Variants in PLCG2 observed in about 807,000 individuals in gnomAD.
PLCG2 encodes the protein 1-phosphatidylinositol 4,5-bisphosphate phosphodiesterase gamma-2.
PLCG2 carries 69 observed loss-of-function variants against 175.6 expected under a neutral mutation model. That is an observed-to-expected ratio of 0.39 (90% CI 0.32 to 0.48). The LOEUF is 0.48. Ranked by LOEUF, PLCG2 falls within the 20% of genes least tolerant of loss-of-function variation. The pLI is 0.91. For synonymous variants in PLCG2, 827 were observed against 624.0 expected, an observed-to-expected ratio of 1.33 and a Z score of -4.85; for missense variants, 1,798 against 1,650.9, an observed-to-expected ratio of 1.09 and a Z score of -1.54.
intron 2 of PLCG2, among the ~76,000 whole-genome samples, chr16:81,800,370 C>T (rs76248538): frequency 6.6e-6 from 1 of 152,130 alleles, no homozygotes. Context: ...CCATCCTTAC[C>T]CTGCTCCCCA....
chr16:81,781,997 G>A lies in PLCG2; in HGVS notation c.-48+2573G>A, dbSNP rs559602870. ...CGCCTTTCTCCTGCCTCAGCCTCAC[G>A]AGTAGCTGGGATTACAGGCATGTGC... On this transcript the variant is annotated intron_variant, in intron 1 of 32. Transcript: ENST00000564138. 5.9e-3 allele frequency among the ~76,000 whole-genome samples: 896 copies of A among 151,956 alleles called. 8 individuals are homozygous for A. Among genetic ancestry groups the A allele is most frequent in the Non-Finnish European group, 7.6e-3 (518 of 67,996 alleles).
rs1398127910 is a variant in PLCG2, at chr16:81,962,640, AACAGCTGTATC to A, written c.*4646_*4656del. On this transcript the variant is annotated 3_prime_UTR_variant, in exon 33 of 33. Transcript: ENST00000564138. ...TTGGCTGTTGTTAATGTGAAAATTA[AACAGCTGTATC>A]ACATTTTGAAAAATAAAAGTTTCAT... The A allele has an allele frequency of 4.5e-6, 1 of 222,210 alleles. No homozygotes were observed. The highest frequency in any genetic ancestry group is 2.2e-5 in the African/African-American group (1 of 44,764). 13.8% of individuals were successfully genotyped at this position (222,210 alleles called of 1,614,324 possible).
rs113395397 is a variant in PLCG2, at chr16:81,908,685, C to T, written c.1733+94C>T. On this transcript the variant is annotated intron_variant, in intron 17 of 32. Transcript: ENST00000564138. The stretch of plus-strand genomic sequence containing the variant: ...GGTTCTAGCTCAGGCAGGAATTGGG[C>T]AGGCTGGGACCTGAATCCCAGGCTT... 1,216 of 1,107,148 alleles carry T rather than the reference C, an allele frequency of 1.1e-3. 14 individuals are homozygous for T. The African/African-American group carries it at 0.017, about 15-fold the overall frequency. 68.6% of individuals were successfully genotyped at this position (1,107,148 alleles called of 1,614,324 possible). A position where few individuals can be genotyped will look rare whatever the true frequency, so the allele number is the denominator to read the frequency against.
chr16:81,806,591 C>T (rs1244342922), intron 2 of PLCG2, among the ~76,000 whole-genome samples: 1 of 152,056 alleles, frequency 6.6e-6, no homozygotes, highest in Non-Finnish European at 1.5e-5. Flanking sequence ...TGCACCATTA[C>T]ATGATCATAG....
chr16:81,892,273 C>A (rs1005147916), intron 11 of PLCG2, among the ~76,000 whole-genome samples: 2 of 152,102 alleles, frequency 1.3e-5, no homozygotes, highest in Non-Finnish European at 2.9e-5. Context: ...GTCGGGGAGA[C>A]CCTGACGACT....
intron 24 of PLCG2, 132 bp downstream of exon 24, chr16:81,928,756 C>T: frequency 1.5e-6 from 1 of 688,380 alleles, no homozygotes; most frequent in Non-Finnish European, 2.7e-6. Context: ...CTGGCTGAAG[C>T]TGAGTATTTA....
At chr16:81,803,517 T>C (rs980264960) in intron 2 of PLCG2, among the ~76,000 whole-genome samples, 3 of 131,864 alleles carry the variant, frequency 2.3e-5, no homozygotes, top group Non-Finnish European at 5.3e-5. Context: ...TTTTCTTTGT[T>C]CTTTCTTTCC....
At position 81,872,085 on chromosome 16, in the gene PLCG2, T is replaced by C. The variant is rs371756459; in HGVS notation, c.648+1150T>C. On this transcript the variant is annotated intron_variant, in intron 7 of 32. Transcript: ENST00000564138. Reference sequence around the variant, plus strand: ...GGTTGACGCCTGTAACCCCAGCACTTTGGGAGCCCAGGCGGGTGGATCATT... The same window carrying C: ...GGTTGACGCCTGTAACCCCAGCACTCTGGGAGCCCAGGCGGGTGGATCATT... Among the ~76,000 whole-genome samples, 7 of 152,094 alleles carry C rather than the reference T, an allele frequency of 4.6e-5. No homozygotes were observed. In the East Asian group the frequency reaches 9.6e-4, roughly 21 times the overall value.
At chr16:81,876,470 C>A (rs1271944818) in intron 7 of PLCG2, among the ~76,000 whole-genome samples, 1 of 152,214 alleles carries the variant, frequency 6.6e-6, no homozygotes, top group African/African-American at 2.4e-5. Context: ...TCCTTTCCCT[C>A]CCTTTCTTAG....
chr16:81,880,258 G>A lies in PLCG2; in HGVS notation c.649-652G>A, dbSNP rs117623053. ...CATCTCTAAAGAAACCTGGCAGTGA[G>A]GATATAGAAAAAGGTATGTGTACCC... On this transcript the variant is annotated intron_variant, in intron 7 of 32. Coordinates refer to ENST00000564138, the MANE Select transcript of PLCG2 (RefSeq NM_002661.5). Among the ~76,000 whole-genome samples the A allele has an allele frequency of 2.8e-3, 431 of 152,288 alleles. 9 individuals carry two copies. The East Asian group carries it at 0.071, about 25-fold the overall frequency.
intron 2 of PLCG2, among the ~76,000 whole-genome samples, chr16:81,792,324 A>G (rs778072298): frequency 6.6e-6 from 1 of 151,994 alleles, no homozygotes; most frequent in Non-Finnish European, 1.5e-5. Flanking sequence ...TCTACTAAAA[A>G]TATTAAAATT....
intron 2 of PLCG2, among the ~76,000 whole-genome samples, chr16:81,803,233 C>T (rs779351936): frequency 2.8e-4 from 43 of 151,836 alleles, no homozygotes; most frequent in Admixed American, 7.9e-4. Flanking sequence ...ATTCTCCTGC[C>T]TCAGCCTCCT....
intron 22 of PLCG2, among the ~76,000 whole-genome samples, chr16:81,924,559 C>T (rs1485181289): frequency 6.6e-6 from 1 of 152,224 alleles, no homozygotes; most frequent in African/African-American, 2.4e-5. Flanking sequence ...ATTTGAACCG[C>T]CAGGCCTTTT....
chr16:81,919,454 C>T (rs1909972893), intron 19 of PLCG2, 30 bp from the exon 20 acceptor site: 1 of 1,585,108 alleles, frequency 6.3e-7, no homozygotes, highest in Non-Finnish European at 8.6e-7. Flanking sequence ...AGGATCTTGG[C>T]ATGTCAACCC....
chr16:81,752,747 C>T (rs768013059), intron 1 of PLCG2, among the ~76,000 whole-genome samples: 1 of 152,232 alleles, frequency 6.6e-6, no homozygotes, highest in Non-Finnish European at 1.5e-5. Flanking sequence ...ACGGCCAGGG[C>T]CCTCAGGGTG....
intron 1 of PLCG2, among the ~76,000 whole-genome samples, chr16:81,784,775 G>A (rs1329252667): frequency 1.3e-5 from 2 of 152,116 alleles, no homozygotes; most frequent in African/African-American, 4.8e-5. Flanking sequence ...CTGGAAATGA[G>A]CCCAGAGGAT....
intron 2 of PLCG2, among the ~76,000 whole-genome samples, chr16:81,771,410 C>G (rs541505741): frequency 2.0e-5 from 3 of 152,166 alleles, no homozygotes; most frequent in Non-Finnish European, 4.4e-5. Flanking sequence ...GAAACACAGC[C>G]TTGTTTTAGA....
intron 2 of PLCG2, among the ~76,000 whole-genome samples, chr16:81,826,329 A>T (rs1349426597): frequency 6.6e-6 from 1 of 152,168 alleles, no homozygotes; most frequent in Non-Finnish European, 1.5e-5. Context: ...CGAGAAAAGC[A>T]TCAAGTATGA....
chr16:81,943,028 T>G (rs1210229707), intron 30 of PLCG2, among the ~76,000 whole-genome samples: 1 of 152,128 alleles, frequency 6.6e-6, no homozygotes, highest in Non-Finnish European at 1.5e-5. Context: ...GCAGAGCTCA[T>G]GTCTCCGATT....
Sources: gnomAD v4.1 joint callset for allele counts (sites outside exome capture counted in the v4.1 genomes callset) on GRCh38, gnomAD v4.1.1 for gene constraint, MANE v1.5 for transcripts, NCBI Gene and HGNC (gene_info 2026-07-23, HGNC 2026-07-21) for gene names.